TGFBRAP1: variants seen among roughly 807,000 people sequenced by gnomAD.
TGFBRAP1 encodes the protein transforming growth factor beta receptor associated protein 1, also known as transforming growth factor-beta receptor-associated protein 1.
Under a neutral mutation model 83.2 loss-of-function variants are expected in TGFBRAP1, and 20 were observed. The observed-to-expected ratio is 0.24, with a 90% CI of 0.17 to 0.35. The LOEUF (loss-of-function observed/expected upper bound fraction) is 0.35. TGFBRAP1 is among the 10% of genes least tolerant of loss of function. TGFBRAP1 has a pLI of 1.00. For missense variants in TGFBRAP1, 950 were observed against 1,099.4 expected, an observed-to-expected ratio of 0.86 and a Z score of 1.92; for synonymous variants, 415 against 459.8, an observed-to-expected ratio of 0.90 and a Z score of 1.25.
At chr2:105,282,286 C>T (rs148304478) in intron 5 of TGFBRAP1, among the ~76,000 whole-genome samples, 83 of 152,264 alleles carry the variant, frequency 5.5e-4, no homozygotes, top group African/African-American at 1.7e-3. Flanking sequence ...GCTGATACAA[C>T]GACAGGGTGC....
rs1678586461 is a variant in TGFBRAP1 at position 105,308,272 on chromosome 2, G to A, written c.30C>T (p.Val10=). Residue 10 remains valine, a synonymous_variant, in exon 2 of 12, where the codon GTC becomes GTT. Transcript: ENST00000393359. ...TCAGCAGCTCCCGCTCCACAGCAGA[G>A]ACAAGCGTAAAGGCTTTGATGCTCA... is the stretch of plus-strand genomic sequence containing the variant. MMSIKAFTL[V]SAVERELLMG... 6.2e-7 allele frequency: 1 copy of A among 1,613,872 alleles called. No individual in the cohort carries two copies. The highest frequency in any genetic ancestry group is 8.5e-7 in the Non-Finnish European group (1 of 1,179,774).
At chr2:105,286,046 TG>T in intron 4 of TGFBRAP1, among the ~76,000 whole-genome samples, 1 of 152,174 alleles carries the variant, frequency 6.6e-6, no homozygotes, top group Admixed American at 6.5e-5. Context: ...CACCCAGGCT[TG>T]TTGAGGAGAA....
intron 4 of TGFBRAP1, among the ~76,000 whole-genome samples, chr2:105,295,630 G>A (rs1289864791): frequency 2.0e-5 from 3 of 151,934 alleles, no homozygotes; most frequent in Non-Finnish European, 2.9e-5. Flanking sequence ...GGCCAACATG[G>A]TGAAACCCCA....
chr2:105,329,690 G>A lies in TGFBRAP1; in HGVS notation c.-83C>T, dbSNP rs1679320849. On this transcript the variant is annotated 5_prime_UTR_variant, in exon 1 of 12. Transcript: ENST00000393359. The stretch of plus-strand genomic sequence containing the variant: ...GGGCCCCGCCGCCCCGCTCCGGCCC[G>A]CGGCTCCTGGGCTGGCCCGACCCCG... 1 of 146,804 alleles carries A rather than the reference G, an allele frequency of 6.8e-6. No individual in the cohort carries two copies. The highest frequency in any genetic ancestry group is 2.5e-5 in the African/African-American group (1 of 40,718). The allele number at this position is 146,804 out of a possible 1,614,324, so 9.1% of individuals were successfully genotyped here.
Position 105,267,301 on chromosome 2 carries a change from G to A in TGFBRAP1, c.*82C>T. 6.4e-7 allele frequency: 1 copy of A among 1,559,820 alleles called. No individual in the cohort carries two copies. Among genetic ancestry groups the A allele is most frequent in the Non-Finnish European group, 8.7e-7 (1 of 1,150,636 alleles). Reference sequence around the variant, plus strand: ...GTCTCCCTTCGTCCTGGCTGACACAGAGCATGGTGGTCATCTGCTCTTCAT... The same window carrying A: ...GTCTCCCTTCGTCCTGGCTGACACAAAGCATGGTGGTCATCTGCTCTTCAT... On this transcript the variant is annotated 3_prime_UTR_variant, in exon 12 of 12. Coordinates refer to ENST00000393359, the MANE Select transcript of TGFBRAP1 (RefSeq NM_004257.6).
At chr2:105,252,724 TCCTGTG>T in the TGFBRAP1 span, among the ~76,000 whole-genome samples, 1 of 150,722 alleles carries the variant, frequency 6.6e-6, no homozygotes, top group Non-Finnish European at 1.5e-5. Flanking sequence ...TACCAGCCCT[TCCTGTG>T]ATGTGAGATG....
At chr2:105,315,708 G>A (rs1183925095) in intron 1 of TGFBRAP1, among the ~76,000 whole-genome samples, 1 of 152,148 alleles carries the variant, frequency 6.6e-6, no homozygotes, top group East Asian at 1.9e-4. Flanking sequence ...AACACCAAAT[G>A]TTAATGAGGA....
intron 2 of TGFBRAP1, among the ~76,000 whole-genome samples, chr2:105,303,369 T>C (rs1338366706): frequency 6.6e-6 from 1 of 152,216 alleles, no homozygotes; most frequent in Non-Finnish European, 1.5e-5. Flanking sequence ...CAGACTGTGG[T>C]CTGTAAACAT....
At chr2:105,290,293 A>G (rs1396368685) in intron 4 of TGFBRAP1, among the ~76,000 whole-genome samples, 1 of 152,128 alleles carries the variant, frequency 6.6e-6, no homozygotes, top group Admixed American at 6.5e-5. Flanking sequence ...TCTGGAACTC[A>G]TGACCTCAAG....
chr2:105,293,000 TA>T (rs1323371120), intron 4 of TGFBRAP1, among the ~76,000 whole-genome samples: 135 of 143,552 alleles, frequency 9.4e-4, no homozygotes, highest in Admixed American at 9.8e-4. Context: ...CCCTAAGGAT[TA>T]AAAAAAAAAA....
At chr2:105,300,447 TTTTTTTTC>T (rs1441551048) in intron 2 of TGFBRAP1, among the ~76,000 whole-genome samples, 8 of 127,214 alleles carry the variant, frequency 6.3e-5, no homozygotes, top group Admixed American at 6.1e-4. Flanking sequence ...TTTTTTTTTT[TTTTTTTTC>T]CGAGACAGTC....
intron 1 of TGFBRAP1, among the ~76,000 whole-genome samples, chr2:105,325,905 T>C (rs1679214056): frequency 6.6e-6 from 1 of 152,106 alleles, no homozygotes; most frequent in Non-Finnish European, 1.5e-5. Flanking sequence ...TTTCCCCCCT[T>C]TGAAAATGAA....
At chr2:105,251,328 C>T in the TGFBRAP1 span, among the ~76,000 whole-genome samples, 1 of 149,136 alleles carries the variant, frequency 6.7e-6, no homozygotes, top group Non-Finnish European at 1.5e-5. Flanking sequence ...TGAGGAGCGT[C>T]TCTGCCCGGC....
chr2:105,302,981 C>T (rs1021043055), intron 2 of TGFBRAP1, among the ~76,000 whole-genome samples: 2 of 152,140 alleles, frequency 1.3e-5, no homozygotes, highest in African/African-American at 4.8e-5. Context: ...TAGTGCTGGT[C>T]CTGTTACTCT....
At chr2:105,277,700 C>T (rs770257343) in intron 6 of TGFBRAP1, 29 bp from the exon 7 acceptor site, 2 of 1,611,870 alleles carry the variant, frequency 1.2e-6, no homozygotes, top group Non-Finnish European at 1.7e-6. Flanking sequence ...GTAAGTACAA[C>T]CTCTCCCCAT....
Position 105,266,962 on chromosome 2 carries a change from G to C in TGFBRAP1, c.*421C>G, listed in dbSNP as rs1277396093. On this transcript the variant is annotated 3_prime_UTR_variant, in exon 12 of 12. Transcript: ENST00000393359. ...CACCCAGGCAAGAGAGGACTTTGTC[G>C]CCAGCCATGGTGAAGCCACGTTTCC... 1 of 161,914 alleles carries C rather than the reference G, an allele frequency of 6.2e-6. No homozygotes were observed. The highest frequency in any genetic ancestry group is 1.8e-4 in the South Asian group (1 of 5,446). The allele number at this position is 161,914 out of a possible 1,614,324, so 10.0% of individuals were successfully genotyped here.
At chr2:105,277,258 T>C (rs1227736544) in intron 7 of TGFBRAP1, among the ~76,000 whole-genome samples, 2 of 152,240 alleles carry the variant, frequency 1.3e-5, no homozygotes, top group African/African-American at 4.8e-5. Flanking sequence ...ACAGTGATCA[T>C]CACTAACAGT....
chr2:105,312,503 C>CA (rs939819848), intron 1 of TGFBRAP1, among the ~76,000 whole-genome samples: 1 of 152,034 alleles, frequency 6.6e-6, no homozygotes, highest in African/African-American at 2.4e-5. Flanking sequence ...TCTAAGTTTG[C>CA]AAAAAACTAA....
At chr2:105,250,825 C>T in the TGFBRAP1 span, among the ~76,000 whole-genome samples, 1,243 of 152,364 alleles carry the variant, frequency 8.2e-3, 12 homozygotes, top group African/African-American at 0.029. Flanking sequence ...GACTGGTTTT[C>T]GTATTTTTTT....
Sources: allele counts gnomAD v4.1 joint callset (sites outside exome capture counted in the v4.1 genomes callset), GRCh38; gene constraint gnomAD v4.1.1; transcripts MANE v1.5; gene names NCBI Gene and HGNC (gene_info 2026-07-23, HGNC 2026-07-21).